ANKH: variants seen among roughly 807,000 people sequenced by gnomAD.
ANKH encodes ANKH inorganic pyrophosphate transport regulator, also known as mineralization regulator ANKH.
A neutral mutation model predicts 49.0 loss-of-function variants in ANKH; 15 were observed. That is an observed-to-expected ratio of 0.31 (90% CI 0.20 to 0.47). The LOEUF (loss-of-function observed/expected upper bound fraction) is 0.47, where lower values mean the gene tolerates loss of function less well. ANKH is among the 20% of genes least tolerant of loss of function. The pLI is 1.00. For missense variants in ANKH, 429 were observed against 652.0 expected (o/e 0.66, Z 3.72); for synonymous variants, 273 against 260.0 (o/e 1.05, Z -0.48).
At chr5:14,778,273 C>G (rs536252013) in intron 1 of ANKH, among the ~76,000 whole-genome samples, 3 of 152,226 alleles carry the variant, frequency 2.0e-5, no homozygotes, top group Non-Finnish European at 4.4e-5. Context: ...GAGATTCACA[C>G]GCCTAGCCAT....
intron 3 of ANKH, 149 bp downstream of exon 3, chr5:14,758,330 GT>G (rs1668102259): frequency 1.4e-6 from 1 of 706,594 alleles, no homozygotes; most frequent in Admixed American, 2.3e-5. Flanking sequence ...AAGATGAAGA[GT>G]TCTGAAGATT....
intron 11 of ANKH, among the ~76,000 whole-genome samples, chr5:14,711,748 T>C (rs1211776853): frequency 1.3e-5 from 2 of 152,358 alleles, no homozygotes; most frequent in Admixed American, 6.5e-5. Flanking sequence ...AGCTCCAGGC[T>C]TGCCGTCATT....
intron 2 of ANKH, among the ~76,000 whole-genome samples, chr5:14,764,095 A>AATAAATAAAT (rs776883461): frequency 4.2e-5 from 6 of 141,758 alleles, no homozygotes; most frequent in East Asian, 4.3e-4. Flanking sequence ...TAAATAAATA[A>AATAAATAAAT]AAATAAAAAA....
chr5:14,738,279 G>A (rs1738248242), intron 8 of ANKH, among the ~76,000 whole-genome samples: 1 of 152,162 alleles, frequency 6.6e-6, no homozygotes, highest in African/African-American at 2.4e-5. Context: ...AGGCAAAGGC[G>A]GTGTTGAACT....
chr5:14,728,699 G>T (rs958177788), intron 8 of ANKH, among the ~76,000 whole-genome samples: 2 of 152,160 alleles, frequency 1.3e-5, no homozygotes, highest in Non-Finnish European at 2.9e-5. Flanking sequence ...GGTGAGACAG[G>T]GTCATTCTCA....
At chr5:14,711,570 A>C (rs1299793119) in intron 11 of ANKH, among the ~76,000 whole-genome samples, 1 of 152,168 alleles carries the variant, frequency 6.6e-6, no homozygotes, top group Non-Finnish European at 1.5e-5. Flanking sequence ...GCCCCGCCCC[A>C]GACAACCCGC....
In ANKH at chr5:14,716,701, T is replaced by C. The variant is rs187972211; in HGVS notation, c.1141+5A>G. The C allele has an allele frequency of 7.6e-5, 122 of 1,614,006 alleles. No individual in the cohort carries two copies. In the African/African-American group the frequency reaches 1.3e-3, roughly 18 times the overall value. On this transcript the variant is annotated splice_donor_5th_base_variant and intron_variant, in intron 9 of 11. Coordinates refer to ENST00000284268, the MANE Select transcript of ANKH (RefSeq NM_054027.6). Reference sequence around the variant, plus strand: ...GAATGCTTCCTTCATTCTGTTTTTCTTTACCTGGAACTGGGAAGAAGGAGA... The same window carrying C: ...GAATGCTTCCTTCATTCTGTTTTTCCTTACCTGGAACTGGGAAGAAGGAGA...
chr5:14,757,387 C>T (rs1020764840), intron 3 of ANKH, among the ~76,000 whole-genome samples: 5 of 145,040 alleles, frequency 3.4e-5, no homozygotes, highest in Admixed American at 2.8e-4. Context: ...AAAGGGTTTA[C>T]TTTCCAGCAT....
At chr5:14,792,861 C>T (rs1740212420) in intron 1 of ANKH, among the ~76,000 whole-genome samples, 1 of 149,738 alleles carries the variant, frequency 6.7e-6, no homozygotes, top group African/African-American at 2.5e-5. Context: ...CCTGTAATCC[C>T]AGCTACTCGG....
At chr5:14,753,795 GAAAAC>G (rs892584513) in intron 4 of ANKH, among the ~76,000 whole-genome samples, 3 of 151,990 alleles carry the variant, frequency 2.0e-5, no homozygotes, top group African/African-American at 4.8e-5. Context: ...AGTAAAATCT[GAAAAC>G]AAAACAAAAC....
intron 1 of ANKH, among the ~76,000 whole-genome samples, chr5:14,865,372 AAAATATTT>A (rs1416109783): frequency 6.6e-6 from 1 of 152,232 alleles, no homozygotes; most frequent in African/African-American, 2.4e-5. Flanking sequence ...TCACATTTAA[AAAATATTT>A]ACCAAACTTT....
intron 1 of ANKH, among the ~76,000 whole-genome samples, chr5:14,864,220 A>G (rs1400962424): frequency 6.6e-6 from 1 of 152,182 alleles, no homozygotes; most frequent in East Asian, 1.9e-4. Context: ...TCAAAACAAA[A>G]CAAAATAAAA....
chr5:14,820,666 C>T (rs988543268), intron 1 of ANKH, among the ~76,000 whole-genome samples: 1 of 152,184 alleles, frequency 6.6e-6, no homozygotes, highest in Non-Finnish European at 1.5e-5. Flanking sequence ...AGGATTCCCA[C>T]TAAACTGACT....
intron 9 of ANKH, 149 bp downstream of exon 9, chr5:14,716,557 T>C: frequency 1.1e-6 from 1 of 923,822 alleles, no homozygotes; most frequent in Non-Finnish European, 1.7e-6. Context: ...CTTGAACTTT[T>C]AACCTACTGG....
At chr5:14,803,848 A>G (rs1489457542) in intron 1 of ANKH, among the ~76,000 whole-genome samples, 1 of 152,118 alleles carries the variant, frequency 6.6e-6, no homozygotes, top group Admixed American at 6.6e-5. Context: ...CAGCTTTATC[A>G]TTTGGTCCTG....
intron 8 of ANKH, among the ~76,000 whole-genome samples, chr5:14,733,602 C>A (rs770850025): frequency 5.9e-5 from 9 of 152,198 alleles, no homozygotes; most frequent in Non-Finnish European, 1.0e-4. Flanking sequence ...TGTTTTAGAT[C>A]CTCATCGTGC....
At position 14,708,445 on chromosome 5, in the gene ANKH, A is replaced by T. The variant is rs961243399; in HGVS notation, c.*2752T>A. 6.6e-5 allele frequency: 10 copies of T among 152,214 alleles called. No individual in the cohort carries two copies. Among genetic ancestry groups the T allele is most frequent in the African/African-American group, 2.4e-4 (10 of 41,448 alleles). 9.4% of individuals were successfully genotyped at this position (152,214 alleles called of 1,614,324 possible). ...GCTGTCAGCTGAATGCCCTACAATG[A>T]AAAATAAATGTTTTGGGGGAATGTT... is the stretch of plus-strand genomic sequence containing the variant. On this transcript the variant is annotated 3_prime_UTR_variant, in exon 12 of 12. Coordinates refer to ENST00000284268, the MANE Select transcript of ANKH (RefSeq NM_054027.6).
chr5:14,866,053 A>G (rs1735634413), intron 1 of ANKH, among the ~76,000 whole-genome samples: 1 of 152,160 alleles, frequency 6.6e-6, no homozygotes, highest in Admixed American at 6.5e-5. Flanking sequence ...TCTGAAAGGT[A>G]TTGAGGTATT....
At chr5:14,797,135 T>C in intron 1 of ANKH, 1 of 1,347,980 alleles carries the variant, frequency 7.4e-7, no homozygotes, top group Non-Finnish European at 1.1e-6. Context: ...AGGACCCTTG[T>C]CCTTCTGGAT....
Sources: allele counts gnomAD v4.1 joint callset (sites outside exome capture counted in the v4.1 genomes callset), GRCh38; gene constraint gnomAD v4.1.1; transcripts MANE v1.5; gene names NCBI Gene and HGNC (gene_info 2026-07-23, HGNC 2026-07-21).